Variants in ATXN10 observed in about 807,000 individuals in gnomAD.
ATXN10 encodes the protein ataxin-10.
A neutral mutation model predicts 52.9 loss-of-function variants in ATXN10; 28 were observed. The observed-to-expected ratio is 0.53, with a 90% confidence interval of 0.39 to 0.73. The LOEUF (loss-of-function observed/expected upper bound fraction) is 0.73, where lower values mean the gene tolerates loss of function less well. ATXN10 is among the 30% of genes least tolerant of loss of function. ATXN10 has a pLI of 0.00. For synonymous variants in ATXN10, 226 were observed against 221.5 expected, an observed-to-expected ratio of 1.02 and a Z score of -0.18; for missense variants, 565 against 577.0, an observed-to-expected ratio of 0.98 and a Z score of 0.21.
At chr22:45,751,850 T>G (rs1208282378) in intron 9 of ATXN10, among the ~76,000 whole-genome samples, 1 of 149,228 alleles carries the variant, frequency 6.7e-6, no homozygotes, top group African/African-American at 2.4e-5. Context: ...TTAGTTTTTT[T>G]TTTTTTTTTT....
Position 45,820,970 on chromosome 22 carries a change from T to C in ATXN10, c.1237+13948T>C, listed in dbSNP as rs1378102371. ...AGCCTTGCCTTTAAGATTTTTCACCTGAATATGACGAGACTTAACTTTTAC... is the reference window on the plus strand; with the variant it reads ...AGCCTTGCCTTTAAGATTTTTCACCCGAATATGACGAGACTTAACTTTTAC... On this transcript the variant is annotated intron_variant, in intron 10 of 11. Coordinates refer to ENST00000252934, the MANE Select transcript of ATXN10 (RefSeq NM_013236.4). This position sits in a 1 kb window ranked among gnomAD's most constrained non-coding sequence, Gnocchi z 4.9. Among the ~76,000 whole-genome samples, 1 of 152,208 alleles carries C rather than the reference T, an allele frequency of 6.6e-6. No homozygotes were observed. The highest frequency in any genetic ancestry group is 2.4e-5 in the African/African-American group (1 of 41,458).
intron 9 of ATXN10, among the ~76,000 whole-genome samples, chr22:45,798,361 TG>T (rs1927817880): frequency 6.6e-6 from 1 of 152,228 alleles, no homozygotes; most frequent in Non-Finnish European, 1.5e-5. Flanking sequence ...AGCCGTGCAC[TG>T]TTGGTTTGAT....
In ATXN10 at chr22:45,729,558, A is replaced by G. The variant is rs201298547; in HGVS notation, c.862A>G (p.Lys288Glu). The G allele has an allele frequency of 1.4e-5, 22 of 1,614,176 alleles. No individual in the cohort carries two copies. Among genetic ancestry groups the G allele is most frequent in the Middle Eastern group, 1.6e-4 (1 of 6,062 alleles). ...TGTGGATCAGTGCAAGACTGTGCTC[A>G]AGCTGGCCTCTGAGGAGCCTCCTGA... ...TFVDQCKTVL[K>E]LASEEPPDDE... Residue 288 changes from lysine to glutamate, a missense_variant, in exon 7 of 12, where the codon AAG (lysine) becomes GAG (glutamate). Transcript: ENST00000252934.
In ATXN10 at chr22:45,787,232, G is replaced by A. The variant is rs897806564; in HGVS notation, c.1174-19727G>A. 6.6e-6 allele frequency among the ~76,000 whole-genome samples: 1 copy of A among 152,158 alleles called. No individual in the cohort carries two copies. Among genetic ancestry groups the A allele is most frequent in the Non-Finnish European group, 1.5e-5 (1 of 68,014 alleles). ...TGGATAGGATCTGTCCCCATCTCAG[G>A]GTTGGGGCTTGGCTCCTGAAAGAAG... On this transcript the variant is annotated intron_variant, in intron 9 of 11. Coordinates refer to ENST00000252934, the MANE Select transcript of ATXN10 (RefSeq NM_013236.4). This position sits in a 1 kb window ranked among gnomAD's most constrained non-coding sequence, Gnocchi z 4.2.
chr22:45,794,485 A>G (rs1414995900), intron 9 of ATXN10, among the ~76,000 whole-genome samples: 1 of 146,398 alleles, frequency 6.8e-6, no homozygotes, highest in Non-Finnish European at 1.5e-5. Flanking sequence ...TTCCTTCCTC[A>G]GTCTTTCTGG....
chr22:45,725,012 G>C (rs748406175), intron 6 of ATXN10, among the ~76,000 whole-genome samples: 2 of 152,008 alleles, frequency 1.3e-5, no homozygotes. Context: ...GTATTGGTCT[G>C]TATATCTAGC....
intron 9 of ATXN10, among the ~76,000 whole-genome samples, chr22:45,742,819 G>T (rs946752674): frequency 9.7e-6 from 1 of 103,076 alleles, no homozygotes; most frequent in Non-Finnish European, 1.9e-5. Context: ...CTTCAGGAGA[G>T]TGAGACTACT....
At chr22:45,717,704 C>G (rs1271250013) in intron 5 of ATXN10, among the ~76,000 whole-genome samples, 1 of 152,106 alleles carries the variant, frequency 6.6e-6, no homozygotes, top group Non-Finnish European at 1.5e-5. Flanking sequence ...AACTATGTGT[C>G]AATATATTTA....
intron 9 of ATXN10, among the ~76,000 whole-genome samples, chr22:45,788,647 A>C (rs1927401670): frequency 6.6e-6 from 1 of 151,824 alleles, no homozygotes; most frequent in Admixed American, 6.6e-5. Flanking sequence ...TGAGTCACCT[A>C]GGGAGCTTTT....
At chr22:45,700,204 G>A (rs1923786615) in intron 3 of ATXN10, 78 bp from the exon 4 acceptor site, 6 of 1,036,026 alleles carry the variant, frequency 5.8e-6, no homozygotes, top group Non-Finnish European at 8.5e-6. Context: ...TAATAACATG[G>A]AGAATATTTC....
Position 45,733,670 on chromosome 22 carries a change from C to CGG in ATXN10, c.894+4080_894+4081insGG, listed in dbSNP as rs1257213117. Reference sequence around the variant, plus strand: ...TACTCGGGAGGCGGAGGCAGAGAATCACGTGAACCCGGGAGGCGGAGGTTG... The same window carrying CGG: ...TACTCGGGAGGCGGAGGCAGAGAATCGGACGTGAACCCGGGAGGCGGAGGTTG... On this transcript the variant is annotated intron_variant, in intron 7 of 11. Transcript: ENST00000252934. The surrounding 1 kb of genome is among the most constrained non-coding windows in gnomAD (Gnocchi z 4.4). 6.6e-6 allele frequency among the ~76,000 whole-genome samples: 1 copy of CGG among 151,892 alleles called. No individual in the cohort carries two copies. Among genetic ancestry groups the CGG allele is most frequent in the African/African-American group, 2.4e-5 (1 of 41,346 alleles).
At chr22:45,807,962 T>C (rs1928157177) in intron 10 of ATXN10, among the ~76,000 whole-genome samples, 1 of 152,240 alleles carries the variant, frequency 6.6e-6, no homozygotes, top group Non-Finnish European at 1.5e-5. Context: ...ATGAAAATCA[T>C]GTGTTTCAAA....
chr22:45,747,916 C>CT (rs1925797098), intron 9 of ATXN10, among the ~76,000 whole-genome samples: 1 of 151,366 alleles, frequency 6.6e-6, no homozygotes, highest in Non-Finnish European at 1.5e-5. Flanking sequence ...CCTCCCATCT[C>CT]TAAAAAAATA....
chr22:45,689,917 T>A lies in ATXN10; in HGVS notation c.308+14T>A, dbSNP rs762933990. The A allele has an allele frequency of 6.2e-7, 1 of 1,612,372 alleles. No individual in the cohort carries two copies. The highest frequency in any genetic ancestry group is 1.3e-5 in the African/African-American group (1 of 74,900). Reference sequence around the variant, plus strand: ...GAATTCAATCAGGTAGTTACACACGTACCTTGGATTCTGTTTCTTTGTATA... The same window carrying A: ...GAATTCAATCAGGTAGTTACACACGAACCTTGGATTCTGTTTCTTTGTATA... On this transcript the variant is annotated intron_variant, in intron 2 of 11. Transcript: ENST00000252934.
intron 9 of ATXN10, among the ~76,000 whole-genome samples, chr22:45,777,585 T>C (rs1457974542): frequency 6.6e-6 from 1 of 152,224 alleles, no homozygotes; most frequent in East Asian, 1.9e-4. Context: ...GCTGTTTTCC[T>C]TATGAGAACA....
At position 45,835,408 on chromosome 22, in the gene ATXN10, CAG is replaced by C. The variant is rs1289093597; in HGVS notation, c.1238-7576_1238-7575del. Reference sequence around the variant, plus strand: ...CAGTGGAGGAAGTGTGAGCCTTGTACAGAGAGAGGTTTCAGGCTTCAGAGAGG... The same window carrying C: ...CAGTGGAGGAAGTGTGAGCCTTGTACAGAGAGGTTTCAGGCTTCAGAGAGG... On this transcript the variant is annotated intron_variant, in intron 10 of 11. Transcript: ENST00000252934. This position sits in a 1 kb window ranked among gnomAD's most constrained non-coding sequence, Gnocchi z 5.0. Among the ~76,000 whole-genome samples, 1 of 152,322 alleles carries C rather than the reference CAG, an allele frequency of 6.6e-6. No homozygotes were observed. Among genetic ancestry groups the C allele is most frequent in the South Asian group, 2.1e-4 (1 of 4,824 alleles).
intron 10 of ATXN10, among the ~76,000 whole-genome samples, chr22:45,809,525 A>G (rs1226329564): frequency 1.3e-5 from 2 of 152,078 alleles, no homozygotes; most frequent in African/African-American, 4.8e-5. Context: ...TGATATATCA[A>G]GTTTTGGTGT....
intron 1 of ATXN10, among the ~76,000 whole-genome samples, chr22:45,682,264 G>A (rs1922953576): frequency 1.3e-5 from 2 of 151,620 alleles, no homozygotes; most frequent in Non-Finnish European, 2.9e-5. Context: ...ACTCAATCTT[G>A]TGGCTTTAAT....
At chr22:45,836,646 G>A (rs1398359405) in intron 10 of ATXN10, among the ~76,000 whole-genome samples, 1 of 152,172 alleles carries the variant, frequency 6.6e-6, no homozygotes, top group Non-Finnish European at 1.5e-5. Flanking sequence ...ATGGGGTGAG[G>A]AGGTTGCCTT....
Sources: allele counts gnomAD v4.1 joint callset (sites outside exome capture counted in the v4.1 genomes callset), GRCh38; gene constraint gnomAD v4.1.1; non-coding constraint Gnocchi (gnomAD v3.1); transcripts MANE v1.5; gene names NCBI Gene and HGNC (gene_info 2026-07-23, HGNC 2026-07-21).